Variants in PIP5K1B observed in about 807,000 individuals in gnomAD.
The protein encoded by PIP5K1B is phosphatidylinositol-4-phosphate 5-kinase type 1 beta, also known as phosphatidylinositol 4-phosphate 5-kinase type-1 beta.
Under a neutral mutation model 67.0 loss-of-function variants are expected in PIP5K1B, and 42 were observed. The observed-to-expected ratio is 0.63, with a 90% CI of 0.49 to 0.81. The LOEUF is 0.81. PIP5K1B is among the 30% of genes least tolerant of loss of function. PIP5K1B has a pLI of 0.00. For missense variants in PIP5K1B, 459 were observed against 646.3 expected (o/e 0.71, Z 3.14); for synonymous variants, 214 against 231.4 (o/e 0.92, Z 0.68).
intron 2 of PIP5K1B, among the ~76,000 whole-genome samples, chr9:68,744,866 T>C (rs1829207465): frequency 6.6e-6 from 1 of 152,200 alleles, no homozygotes; most frequent in African/African-American, 2.4e-5. Flanking sequence ...TTCCACAGTC[T>C]CTAGAAAGCC....
intron 6 of PIP5K1B, among the ~76,000 whole-genome samples, chr9:68,882,857 T>C (rs112343626): frequency 9.8e-5 from 15 of 152,342 alleles, no homozygotes; most frequent in African/African-American, 3.1e-4. Context: ...ACCCAACATT[T>C]TCTTGCTTCA....
chr9:68,917,911 C>A (rs774710977), intron 9 of PIP5K1B, 152 bp downstream of exon 9: 1 of 613,442 alleles, frequency 1.6e-6, no homozygotes, highest in Non-Finnish European at 2.9e-6. Context: ...CATTTCTATT[C>A]ATCTAAAGAT....
chr9:68,864,121 A>G (rs1823246293), intron 5 of PIP5K1B, among the ~76,000 whole-genome samples, 154 bp downstream of exon 5: 1 of 152,210 alleles, frequency 6.6e-6, no homozygotes, highest in Non-Finnish European at 1.5e-5. Context: ...AATGATGTTT[A>G]CTTCCTGTTT....
intron 15 of PIP5K1B, among the ~76,000 whole-genome samples, chr9:69,002,958 G>A (rs530887889): frequency 6.6e-6 from 1 of 152,296 alleles, no homozygotes; most frequent in East Asian, 1.9e-4. Context: ...TCTCCAGCCT[G>A]GGTGACAAAG....
At chr9:68,848,794 C>A (rs995353038) in intron 4 of PIP5K1B, among the ~76,000 whole-genome samples, 1 of 152,062 alleles carries the variant, frequency 6.6e-6, no homozygotes, top group African/African-American at 2.4e-5. Flanking sequence ...ACTTTAATTG[C>A]TGTAAAATAA....
intron 12 of PIP5K1B, among the ~76,000 whole-genome samples, chr9:68,930,588 G>C (rs1008333881): frequency 6.6e-6 from 1 of 151,806 alleles, no homozygotes; most frequent in Non-Finnish European, 1.5e-5. Context: ...TGGTTTGCAG[G>C]TTTTATTATT....
chr9:68,801,146 G>A (rs1429806107), intron 2 of PIP5K1B, among the ~76,000 whole-genome samples: 8 of 152,164 alleles, frequency 5.3e-5, no homozygotes, highest in Non-Finnish European at 1.2e-4. Flanking sequence ...AATTTAATTT[G>A]TGTGTGTGAG....
At chr9:68,789,045 A>G (rs979213376) in intron 2 of PIP5K1B, 19 of 473,810 alleles carry the variant, frequency 4.0e-5, no homozygotes, top group Non-Finnish European at 7.4e-5. Context: ...TACAGCATCA[A>G]TCATCCCCTG....
intron 5 of PIP5K1B, among the ~76,000 whole-genome samples, chr9:68,874,564 A>G (rs1325639652): frequency 6.6e-6 from 1 of 152,194 alleles, no homozygotes; most frequent in Admixed American, 6.5e-5. Flanking sequence ...AACTTCAGGG[A>G]AAGATGAATA....
At chr9:68,968,709 A>T (rs1161562141) in intron 14 of PIP5K1B, among the ~76,000 whole-genome samples, 13 of 138,614 alleles carry the variant, frequency 9.4e-5, no homozygotes, top group Middle Eastern at 3.6e-3. Flanking sequence ...ATATATATAT[A>T]TATATATTTT....
At chr9:68,791,090 C>T (rs1831942566) in intron 2 of PIP5K1B, among the ~76,000 whole-genome samples, 1 of 152,142 alleles carries the variant, frequency 6.6e-6, no homozygotes, top group Non-Finnish European at 1.5e-5. Context: ...CTACAGTGGT[C>T]CCCCAAACCA....
intron 6 of PIP5K1B, among the ~76,000 whole-genome samples, chr9:68,882,154 G>A (rs1229905611): frequency 6.6e-6 from 1 of 152,212 alleles, no homozygotes; most frequent in Non-Finnish European, 1.5e-5. Context: ...CCTGGAAGGT[G>A]CATAAAACCC....
At chr9:68,820,338 A>G (rs1833674695) in intron 3 of PIP5K1B, among the ~76,000 whole-genome samples, 1 of 152,252 alleles carries the variant, frequency 6.6e-6, no homozygotes, top group Non-Finnish European at 1.5e-5. Flanking sequence ...CTGATACAGC[A>G]TGGAAAACAA....
intron 8 of PIP5K1B, among the ~76,000 whole-genome samples, chr9:68,898,383 G>C (rs952163852): frequency 6.6e-6 from 1 of 152,012 alleles, no homozygotes; most frequent in Non-Finnish European, 1.5e-5. Context: ...CTATCCCTTG[G>C]TCTGACCCTC....
At chr9:68,903,258 C>T (rs577731219) in intron 8 of PIP5K1B, among the ~76,000 whole-genome samples, 1 of 152,276 alleles carries the variant, frequency 6.6e-6, no homozygotes, top group South Asian at 2.1e-4. Flanking sequence ...GAAATAGCAA[C>T]AGCAAACATT....
At chr9:68,758,560 A>G (rs1271409965) in intron 2 of PIP5K1B, among the ~76,000 whole-genome samples, 1 of 152,124 alleles carries the variant, frequency 6.6e-6, no homozygotes, top group Non-Finnish European at 1.5e-5. Flanking sequence ...AAATTGTACA[A>G]TACGAACAAC....
chr9:68,923,401 A>G lies in PIP5K1B; in HGVS notation c.1201+15A>G. ...GAAAATTCAAGGTAAGATTCTTATG[A>G]ATTTTTTTTTTTACTTTTAGCAGCT... On this transcript the variant is annotated intron_variant, in intron 12 of 15. Coordinates refer to ENST00000265382, the MANE Select transcript of PIP5K1B (RefSeq NM_003558.4). 1 of 1,420,562 alleles carries G rather than the reference A, an allele frequency of 7.0e-7. No individual in the cohort carries two copies. The highest frequency in any genetic ancestry group is 9.7e-7 in the Non-Finnish European group (1 of 1,027,072). The allele number at this position is 1,420,562 out of a possible 1,614,324, so 88.0% of individuals were successfully genotyped here.
intron 4 of PIP5K1B, among the ~76,000 whole-genome samples, chr9:68,838,667 C>T (rs1475181469): frequency 6.6e-6 from 1 of 152,154 alleles, no homozygotes; most frequent in East Asian, 1.9e-4. Flanking sequence ...AATGGGGTGA[C>T]AGGATTGATT....
At chr9:68,992,830 A>C (rs1329246692) in intron 15 of PIP5K1B, among the ~76,000 whole-genome samples, 1 of 107,810 alleles carries the variant, frequency 9.3e-6, no homozygotes, top group Non-Finnish European at 1.8e-5. Flanking sequence ...ACAGAGCATG[A>C]CCCTGTCTCA....
Sources: gnomAD v4.1 joint callset for allele counts (sites outside exome capture counted in the v4.1 genomes callset) on GRCh38, gnomAD v4.1.1 for gene constraint, MANE v1.5 for transcripts, NCBI Gene and HGNC (gene_info 2026-07-23, HGNC 2026-07-21) for gene names.